The following KLHL20 variants were observed in gnomAD, a reference collection of about 807,000 sequenced individuals.
KLHL20 encodes kelch like family member 20.
KLHL20 carries 29 observed loss-of-function variants against 69.5 expected under a neutral mutation model. That is an observed-to-expected ratio of 0.42 (90% CI 0.31 to 0.57). KLHL20 has a LOEUF of 0.57. Ranked by LOEUF, KLHL20 falls within the 20% of genes least tolerant of loss-of-function variation. KLHL20 has a pLI of 0.18. For synonymous variants in KLHL20, 253 were observed against 265.2 expected (o/e 0.95, Z 0.45); for missense variants, 419 against 776.0 (o/e 0.54, Z 5.47).
rs1453986787 is a variant in KLHL20 at position 173,716,312 on chromosome 1, G to GT, written c.23+252dup. Among the ~76,000 whole-genome samples, 14 of 152,070 alleles carry GT rather than the reference G, an allele frequency of 9.2e-5. 1 individual carries two copies. The South Asian group carries it at 2.7e-3, about 29-fold the overall frequency. On this transcript the variant is annotated intron_variant, in intron 2 of 11. Coordinates refer to ENST00000209884, the MANE Select transcript of KLHL20 (RefSeq NM_014458.4). ...AACACTTAAATTTTCCTTTTTTCATGTTTTTTACAGTAAATAATCATTAAG... is the reference window on the plus strand; with the variant it reads ...AACACTTAAATTTTCCTTTTTTCATGTTTTTTTACAGTAAATAATCATTAAG...
chr1:173,763,540 C>T (rs944972414), intron 7 of KLHL20, among the ~76,000 whole-genome samples: 2 of 152,074 alleles, frequency 1.3e-5, no homozygotes, highest in African/African-American at 4.8e-5. Context: ...AAAACAGGCA[C>T]ATAGACCAAT....
chr1:173,747,892 T>C (rs1265806163), intron 3 of KLHL20, among the ~76,000 whole-genome samples: 4 of 136,828 alleles, frequency 2.9e-5, no homozygotes, highest in Admixed American at 7.2e-5. Context: ...AAGAGCTCTT[T>C]AAAAAAAAAA....
chr1:173,770,896 C>T (rs1049949551), intron 8 of KLHL20, among the ~76,000 whole-genome samples: 1 of 151,946 alleles, frequency 6.6e-6, no homozygotes, highest in Non-Finnish European at 1.5e-5. Flanking sequence ...TACGCTATAT[C>T]CTTCGAATAT....
At chr1:173,771,467 G>A (rs1424033897) in intron 8 of KLHL20, among the ~76,000 whole-genome samples, 1 of 152,070 alleles carries the variant, frequency 6.6e-6, no homozygotes, top group Admixed American at 6.6e-5. Flanking sequence ...AAGATTAAAA[G>A]GGGGAGGGCT....
At chr1:173,746,917 T>G (rs1047021083) in intron 3 of KLHL20, among the ~76,000 whole-genome samples, 1 of 146,426 alleles carries the variant, frequency 6.8e-6, no homozygotes, top group Non-Finnish European at 1.5e-5. Context: ...TAGTCTTTAG[T>G]GCTTCATTAT....
At chr1:173,778,102 C>T (rs9425735) in intron 10 of KLHL20, among the ~76,000 whole-genome samples, 11,340 of 151,996 alleles carry the variant, frequency 0.075, 1,409 homozygotes, top group African/African-American at 0.25. Context: ...TTCTAGGGTA[C>T]ATGTGCACAA....
At chr1:173,760,212 C>G (rs1406816452) in intron 7 of KLHL20, among the ~76,000 whole-genome samples, 1 of 152,084 alleles carries the variant, frequency 6.6e-6, no homozygotes, top group African/African-American at 2.4e-5. Flanking sequence ...TCCAAAAAGT[C>G]TGGGATTATG....
chr1:173,736,670 A>ACTGCAACCTCCGCCTCC (rs1220476211), intron 3 of KLHL20, among the ~76,000 whole-genome samples: 1 of 150,734 alleles, frequency 6.6e-6, no homozygotes, highest in Admixed American at 6.6e-5. Context: ...ATCTCGGCTC[A>ACTGCAACCTCCGCCTCC]CTGCAACCTC....
chr1:173,774,510 G>A (rs1195192878), intron 9 of KLHL20, 72 bp downstream of exon 9: 33 of 1,531,266 alleles, frequency 2.2e-5, no homozygotes, highest in East Asian at 1.6e-4. Context: ...CCTACAAAAC[G>A]TGTAGAAACT....
intron 7 of KLHL20, among the ~76,000 whole-genome samples, chr1:173,761,032 G>C (rs1647263469): frequency 6.6e-6 from 1 of 152,120 alleles, no homozygotes. Context: ...ACTTAAAGCA[G>C]TGGAAAAAGG....
intron 2 of KLHL20, among the ~76,000 whole-genome samples, chr1:173,724,240 A>G (rs983393909): frequency 2.6e-5 from 4 of 151,492 alleles, no homozygotes; most frequent in African/African-American, 9.7e-5. Flanking sequence ...CCTGGGCTTA[A>G]GGGATCCCCC....
At chr1:173,771,955 T>C (rs1648122371) in intron 8 of KLHL20, among the ~76,000 whole-genome samples, 1 of 152,216 alleles carries the variant, frequency 6.6e-6, no homozygotes, top group Non-Finnish European at 1.5e-5. Flanking sequence ...ATTATTCTAA[T>C]TCTGCTCTCT....
chr1:173,742,157 A>C (rs1264992390), intron 3 of KLHL20, among the ~76,000 whole-genome samples: 1 of 152,194 alleles, frequency 6.6e-6, no homozygotes, highest in Non-Finnish European at 1.5e-5. Context: ...CTAAAACACA[A>C]AACTACATCA....
chr1:173,773,546 A>G (rs1375499308), intron 8 of KLHL20, among the ~76,000 whole-genome samples: 1 of 152,008 alleles, frequency 6.6e-6, no homozygotes, highest in Non-Finnish European at 1.5e-5. Context: ...AGGTTGTCTC[A>G]AAGAACTATG....
intron 8 of KLHL20, among the ~76,000 whole-genome samples, 153 bp downstream of exon 8, chr1:173,766,442 C>G (rs1647713772): frequency 6.9e-6 from 1 of 144,500 alleles, no homozygotes; most frequent in Non-Finnish European, 1.5e-5. Flanking sequence ...CTCAGGAGTT[C>G]GAGACCAGCC....
At chr1:173,743,469 C>A (rs1429679442) in intron 3 of KLHL20, among the ~76,000 whole-genome samples, 1 of 150,832 alleles carries the variant, frequency 6.6e-6, no homozygotes, top group Non-Finnish European at 1.5e-5. Flanking sequence ...TTTTATATTC[C>A]TTTACTCCTT....
At chr1:173,715,886 A>G (rs1446448674) in intron 1 of KLHL20, 117 bp from the exon 2 acceptor site, 5 of 691,116 alleles carry the variant, frequency 7.2e-6, no homozygotes, top group African/African-American at 3.6e-5. Flanking sequence ...GGCCTGTGGT[A>G]TAATAGGATA....
chr1:173,767,912 T>C (rs1416614786), intron 8 of KLHL20, among the ~76,000 whole-genome samples: 2 of 152,190 alleles, frequency 1.3e-5, no homozygotes, highest in Non-Finnish European at 2.9e-5. Flanking sequence ...TTTTTTTGCT[T>C]TTGTTGCCTA....
intron 7 of KLHL20, among the ~76,000 whole-genome samples, chr1:173,757,386 C>G (rs952404194): frequency 2.0e-5 from 3 of 152,126 alleles, no homozygotes; most frequent in Non-Finnish European, 4.4e-5. Flanking sequence ...CTACTACAGA[C>G]ACATCAAATT....
Sources: gnomAD v4.1 joint callset for allele counts (sites outside exome capture counted in the v4.1 genomes callset) on GRCh38, gnomAD v4.1.1 for gene constraint, MANE v1.5 for transcripts, NCBI Gene and HGNC (gene_info 2026-07-23, HGNC 2026-07-21) for gene names.